Variants in FECH observed in about 807,000 individuals in gnomAD.
FECH encodes the protein ferrochelatase, mitochondrial.
FECH carries 40 observed loss-of-function variants against 56.9 expected under a neutral mutation model. That is an observed-to-expected ratio of 0.70 (90% confidence interval 0.55 to 0.92). FECH has a LOEUF of 0.92. FECH is among the 40% of genes least tolerant of loss of function. The pLI, the probability that FECH is intolerant of heterozygous loss-of-function variation, is 0.00. For synonymous variants in FECH, 175 were observed against 198.6 expected, an observed-to-expected ratio of 0.88 and a Z score of 1.00; for missense variants, 431 against 529.1, an observed-to-expected ratio of 0.81 and a Z score of 1.82.
intron 3 of FECH, among the ~76,000 whole-genome samples, chr18:57,572,063 C>T (rs916229750): frequency 5.9e-5 from 9 of 152,154 alleles, no homozygotes; most frequent in African/African-American, 2.2e-4. Context: ...CCATATGATG[C>T]AGTTCTAAAT....
At position 57,586,585 on chromosome 18, in the gene FECH, C is replaced by G; in HGVS notation, c.36G>C (p.Leu12=). The change falls in exon 1 of 11, where the codon CTG becomes CTC. Residue 12 remains leucine, a synonymous_variant. Transcript: ENST00000262093. ...CGCGGAGCAGGACGCCCGCGGCGCG[C>G]AGGGCCGCAGCCATGTTTGCGCCGA... is the stretch of plus-strand genomic sequence containing the variant. ...RSLGANMAAA[L]RAAGVLLRDP... 8 of 1,522,136 alleles carry G rather than the reference C, an allele frequency of 5.3e-6. No individual in the cohort carries two copies. Among genetic ancestry groups the G allele is most frequent in the Non-Finnish European group, 7.0e-6 (8 of 1,141,840 alleles). The allele number at this position is 1,522,136 out of a possible 1,614,324, so 94.3% of individuals were successfully genotyped here.
rs747565830 is a variant in FECH at position 57,563,580 on chromosome 18, C to CAAAAAAAAAAAAA, written c.599-613_599-601dup. Among the ~76,000 whole-genome samples the CAAAAAAAAAAAAA allele has an allele frequency of 1.0e-3, 35 of 33,600 alleles. 3 individuals are homozygous for CAAAAAAAAAAAAA. Among genetic ancestry groups the CAAAAAAAAAAAAA allele is most frequent in the Non-Finnish European group, 1.4e-3 (29 of 20,558 alleles). The allele number at this position is 33,600 out of a possible 152,430, so 22.0% of individuals were successfully genotyped here. On this transcript the variant is annotated intron_variant, in intron 5 of 10. Transcript: ENST00000262093. ...GGGCAACAAGAGCGAAACTCCGTCC[C>CAAAAAAAAAAAAA]AAAAAAAAAAAAAAAAAAAAAAAAG...
At chr18:57,583,279 G>A (rs1252541072) in intron 1 of FECH, among the ~76,000 whole-genome samples, 1 of 152,206 alleles carries the variant, frequency 6.6e-6, no homozygotes, top group Non-Finnish European at 1.5e-5. Context: ...CTGAGACTCT[G>A]GAAAAGACTC....
chr18:57,575,251 C>G (rs950851974), intron 2 of FECH, among the ~76,000 whole-genome samples: 2 of 152,120 alleles, frequency 1.3e-5, no homozygotes, highest in Non-Finnish European at 2.9e-5. Flanking sequence ...AATAAAGCAG[C>G]TGAAAAATAA....
At position 57,573,253 on chromosome 18, in the gene FECH, T is replaced by C; in HGVS notation, c.307A>G (p.Ile103Val). The C allele has an allele frequency of 6.2e-7, 1 of 1,613,386 alleles. No homozygotes were observed. Among genetic ancestry groups the C allele is most frequent in the South Asian group, 1.1e-5 (1 of 91,066 alleles). Residue 103 changes from isoleucine (I) to valine (V), a missense_variant, in exon 3 of 11, where the codon ATT (isoleucine) becomes GTT (valine). Coordinates refer to ENST00000262093, the MANE Select transcript of FECH (RefSeq NM_000140.5). Reference protein sequence around the residue: ...FLDRDLMTLPIQNKLAPFIAK... With the variant: ...FLDRDLMTLPVQNKLAPFIAK... ...TGTTTATATATATCTCACTTCTGAA[T>C]AGGAAGTGTCATGAGGTCTCGGTCC...
chr18:57,560,138 T>A (rs977634200), intron 6 of FECH, among the ~76,000 whole-genome samples: 6 of 152,266 alleles, frequency 3.9e-5, no homozygotes, highest in African/African-American at 1.4e-4. Context: ...ACGTTAAATT[T>A]ACTGAAGTTG....
chr18:57,572,211 A>G (rs1010827955), intron 3 of FECH, among the ~76,000 whole-genome samples: 1 of 152,174 alleles, frequency 6.6e-6, no homozygotes, highest in African/African-American at 2.4e-5. Flanking sequence ...GATTAAGAAA[A>G]TGTGGAATAC....
intron 5 of FECH, among the ~76,000 whole-genome samples, chr18:57,563,580 C>CAAAAAAA (rs747565830): frequency 0.18 from 5,888 of 33,550 alleles, 1,590 homozygotes; most frequent in Non-Finnish European, 0.2. Flanking sequence ...AACTCCGTCC[C>CAAAAAAA]AAAAAAAAAA....
At chr18:57,560,239 A>G (rs563965010) in intron 6 of FECH, among the ~76,000 whole-genome samples, 1 of 152,230 alleles carries the variant, frequency 6.6e-6, no homozygotes, top group African/African-American at 2.4e-5. Flanking sequence ...TATATGCATA[A>G]CTTATTCTCA....
intron 1 of FECH, among the ~76,000 whole-genome samples, chr18:57,585,216 T>A (rs2051349511): frequency 6.6e-6 from 1 of 152,126 alleles, no homozygotes; most frequent in Non-Finnish European, 1.5e-5. Context: ...TCGGAAATAA[T>A]CCTCAGTGTT....
chr18:57,584,895 C>T (rs2051343039), intron 1 of FECH, among the ~76,000 whole-genome samples: 1 of 144,420 alleles, frequency 6.9e-6, no homozygotes, highest in African/African-American at 2.6e-5. Context: ...CCTGTAATCC[C>T]AGCTACCAGG....
Position 57,557,290 on chromosome 18 carries a change from G to A in FECH, c.804+1855C>T, listed in dbSNP as rs187229845. Among the ~76,000 whole-genome samples, 321 of 152,298 alleles carry A rather than the reference G, an allele frequency of 2.1e-3. 1 individual carries two copies. The highest frequency in any genetic ancestry group is 6.9e-3 in the African/African-American group (285 of 41,566). On this transcript the variant is annotated intron_variant, in intron 7 of 10. Coordinates refer to ENST00000262093, the MANE Select transcript of FECH (RefSeq NM_000140.5). ...GTTTAAAAAGTTGTCAGAAGGGAAC[G>A]CAGGGGAAGAGAAGAGTGTGCTAGA...
chr18:57,584,340 A>AAC (rs1555682017), intron 1 of FECH, among the ~76,000 whole-genome samples: 2 of 151,436 alleles, frequency 1.3e-5, no homozygotes, highest in African/African-American at 4.8e-5. Context: ...AAAAAAAAAA[A>AAC]AAAAACTCTC....
chr18:57,552,848 G>C (rs770995127), intron 9 of FECH, among the ~76,000 whole-genome samples: 5 of 152,150 alleles, frequency 3.3e-5, no homozygotes, highest in Non-Finnish European at 7.4e-5. Context: ...AACCAGCGTT[G>C]GTAAAGGGCA....
rs1431668293 is a variant in FECH, at chr18:57,544,436, T to C, written c.*6276A>G. 2.0e-5 allele frequency among the ~76,000 whole-genome samples: 3 copies of C among 152,196 alleles called. No individual in the cohort carries two copies. The highest frequency in any genetic ancestry group is 2.0e-4 in the Admixed American group (3 of 15,282). ...AATCTAAAAGATGTGGAATACACAA[T>C]TTACAAATAATAATAAAATACACAA... On this transcript the variant is annotated 3_prime_UTR_variant, in exon 11 of 11. Coordinates refer to ENST00000262093, the MANE Select transcript of FECH (RefSeq NM_000140.5).
intron 4 of FECH, chr18:57,567,947 C>T (rs763504103): frequency 2.0e-5 from 3 of 152,354 alleles, no homozygotes; most frequent in Non-Finnish European, 4.4e-5. Flanking sequence ...CCACCAATTT[C>T]GTGCTGCCTT....
In FECH at chr18:57,554,871, G is replaced by A. The variant is rs1230266741; in HGVS notation, c.886C>T (p.Pro296Ser). 2.5e-6 allele frequency: 4 copies of A among 1,614,046 alleles called. No homozygotes were observed. In the African/African-American group the frequency reaches 5.3e-5, roughly 22 times the overall value. The part of the protein sequence containing the change: ...KVMERLEYCN[P>S]YRLVWQSKVG... ...TTGGATTGCCACACCAGTCGGTAGG[G>A]GTTGCAGTACTCCAGCCTTTCCATG... is the stretch of plus-strand genomic sequence containing the variant. Residue 296 changes from proline to serine, a missense_variant, in exon 8 of 11, where the codon CCC (proline) becomes TCC (serine). Pro to Ser is a moderately conservative substitution (Grantham distance 74). Transcript: ENST00000262093.
intron 6 of FECH, among the ~76,000 whole-genome samples, chr18:57,560,152 G>C (rs2050923711): frequency 6.6e-6 from 1 of 152,224 alleles, no homozygotes; most frequent in Non-Finnish European, 1.5e-5. Context: ...GAAGTTGAAT[G>C]TTGTATTGTG....
intron 7 of FECH, among the ~76,000 whole-genome samples, chr18:57,558,619 T>C (rs1377765293): frequency 6.6e-6 from 1 of 152,196 alleles, no homozygotes; most frequent in East Asian, 1.9e-4. Flanking sequence ...CTTCAAGTTA[T>C]CATTTTAAAG....
Sources: allele counts gnomAD v4.1 joint callset (sites outside exome capture counted in the v4.1 genomes callset), GRCh38; gene constraint gnomAD v4.1.1; transcripts MANE v1.5; gene names NCBI Gene and HGNC (gene_info 2026-07-23, HGNC 2026-07-21).